The following SEMA3A variants were observed in gnomAD, a reference collection of about 807,000 sequenced individuals.
SEMA3A encodes semaphorin 3A.
SEMA3A carries 29 observed loss-of-function variants against 97.9 expected under a neutral mutation model. The ratio of observed to expected loss-of-function variants is 0.30; its 90% confidence interval spans 0.22 to 0.40. The LOEUF is 0.40. Among genes scored for constraint, SEMA3A ranks in the 10% least tolerant of loss-of-function variants. The probability of loss-of-function intolerance (pLI) is 1.00; values close to 1 mark genes in which losing one functional copy is unlikely to be tolerated. For synonymous variants in SEMA3A, 321 were observed against 323.7 expected, an observed-to-expected ratio of 0.99 and a Z score of 0.09; for missense variants, 763 against 951.3, an observed-to-expected ratio of 0.80 and a Z score of 2.60.
intron 5 of SEMA3A, among the ~76,000 whole-genome samples, chr7:84,055,008 G>C (rs1378574424): frequency 6.6e-6 from 1 of 152,234 alleles, no homozygotes. Context: ...CTCCCAGTTA[G>C]GCTGCTCAGG....
At chr7:84,173,420 G>A (rs1040128468) in intron 1 of SEMA3A, among the ~76,000 whole-genome samples, 5 of 151,880 alleles carry the variant, frequency 3.3e-5, no homozygotes, top group Admixed American at 6.6e-5. Context: ...TTAGCCAGGC[G>A]TGGTGGCGCA....
chr7:84,354,366 A>C (rs1282086115), intron 2 of SEMA3A, among the ~76,000 whole-genome samples: 1 of 151,686 alleles, frequency 6.6e-6, no homozygotes, highest in Non-Finnish European at 1.5e-5. Flanking sequence ...TACAACAGAT[A>C]TGGTGTTTTC....
chr7:84,121,643 T>A (rs1159128038), intron 3 of SEMA3A, among the ~76,000 whole-genome samples: 22 of 25,616 alleles, frequency 8.6e-4, no homozygotes, highest in South Asian at 2.7e-3. Flanking sequence ...CAAGTCTTTT[T>A]TTTTTTTTTT....
intron 1 of SEMA3A, among the ~76,000 whole-genome samples, chr7:84,478,881 T>G (rs963124945): frequency 2.0e-5 from 3 of 152,058 alleles, no homozygotes; most frequent in African/African-American, 7.2e-5. Context: ...TTTTATAAAT[T>G]TTCTAAGTTA....
chr7:84,253,023 C>T (rs1315814769), intron 3 of SEMA3A, among the ~76,000 whole-genome samples: 1 of 152,052 alleles, frequency 6.6e-6, no homozygotes, highest in Non-Finnish European at 1.5e-5. Context: ...GGACTACAGG[C>T]GTGTGCCACC....
At chr7:84,336,695 C>A (rs1802045667) in intron 2 of SEMA3A, among the ~76,000 whole-genome samples, 1 of 152,014 alleles carries the variant, frequency 6.6e-6, no homozygotes, top group African/African-American at 2.4e-5. Context: ...ACCTAGGTTC[C>A]AACAGAAGAA....
intron 7 of SEMA3A, among the ~76,000 whole-genome samples, chr7:84,011,690 A>C (rs546322997): frequency 6.6e-6 from 1 of 152,268 alleles, no homozygotes; most frequent in Non-Finnish European, 1.5e-5. Flanking sequence ...TCTTTGAGAT[A>C]TGTTGCACAA....
chr7:84,126,684 A>G (rs1795807305), intron 3 of SEMA3A, among the ~76,000 whole-genome samples: 1 of 152,198 alleles, frequency 6.6e-6, no homozygotes, highest in Non-Finnish European at 1.5e-5. Flanking sequence ...GGTAAAATGT[A>G]GCTTTTTGAC....
At chr7:84,268,249 ATGTG>A (rs66460940) in intron 3 of SEMA3A, among the ~76,000 whole-genome samples, 8,654 of 130,906 alleles carry the variant, frequency 0.066, 518 homozygotes, top group African/African-American at 0.16. Flanking sequence ...AGACATAAGC[ATGTG>A]TGTGTGTGTG....
chr7:84,425,794 A>T (rs1049977383), intron 1 of SEMA3A, among the ~76,000 whole-genome samples: 1 of 148,758 alleles, frequency 6.7e-6, no homozygotes, highest in Non-Finnish European at 1.5e-5. Flanking sequence ...AATATGGTGA[A>T]ACCCCGTCTT....
At chr7:84,265,372 T>C (rs901580745) in intron 3 of SEMA3A, among the ~76,000 whole-genome samples, 1 of 150,714 alleles carries the variant, frequency 6.6e-6, no homozygotes, top group Non-Finnish European at 1.5e-5. Flanking sequence ...AAGTAGTATT[T>C]AACCTGAATC....
At chr7:84,115,572 T>C (rs1294478699) in intron 3 of SEMA3A, among the ~76,000 whole-genome samples, 1 of 152,154 alleles carries the variant, frequency 6.6e-6, no homozygotes, top group Non-Finnish European at 1.5e-5. Context: ...GCTTATGATA[T>C]CTATTTTTAG....
At position 84,376,467 on chromosome 7, in the gene SEMA3A, G is replaced by C. The variant is rs538700402; in HGVS notation, c.-245-4567C>G. On this transcript the variant is annotated intron_variant, in intron 1 of 3. Transcript: ENST00000424555. ...AAACACAAAAAAATTAGCCGGGCGTGGTGGCGGGCGCCTGTAGTCCCAGCT... is the reference window on the plus strand; with the variant it reads ...AAACACAAAAAAATTAGCCGGGCGTCGTGGCGGGCGCCTGTAGTCCCAGCT... 2.8e-5 allele frequency among the ~76,000 whole-genome samples: 4 copies of C among 142,648 alleles called. 1 individual carries two copies. The highest frequency in any genetic ancestry group is 1.0e-4 in the African/African-American group (4 of 38,526). The allele number at this position is 142,648 out of a possible 152,430, so 93.6% of individuals were successfully genotyped here. A position where few individuals can be genotyped will look rare whatever the true frequency, so the allele number is the denominator to read the frequency against.
intron 2 of SEMA3A, among the ~76,000 whole-genome samples, chr7:84,346,675 C>A (rs1349015273): frequency 6.6e-6 from 1 of 151,988 alleles, no homozygotes; most frequent in Non-Finnish European, 1.5e-5. Context: ...TTTGTGATGT[C>A]CCAAAACAAC....
chr7:84,234,723 C>T (rs1799194139), intron 3 of SEMA3A, among the ~76,000 whole-genome samples: 1 of 152,018 alleles, frequency 6.6e-6, no homozygotes, highest in Non-Finnish European at 1.5e-5. Flanking sequence ...TCACTGCAGG[C>T]TTATTCCTTT....
rs191013156 is a variant in SEMA3A, at chr7:83,971,237, C to T, written c.1717+5895G>A. Among the ~76,000 whole-genome samples the T allele has an allele frequency of 1.2e-4, 19 of 152,008 alleles. No individual in the cohort carries two copies. In the East Asian group the frequency reaches 3.7e-3, roughly 29 times the overall value. On this transcript the variant is annotated intron_variant, in intron 15 of 16. Coordinates refer to ENST00000265362, the MANE Select transcript of SEMA3A (RefSeq NM_006080.3). The stretch of plus-strand genomic sequence containing the variant: ...GTCAGGAGTTCAAAACCAGCCTGAC[C>T]AACGTGATGAAACTCCATCTCTACT...
intron 2 of SEMA3A, among the ~76,000 whole-genome samples, chr7:84,129,864 C>A (rs1329594181): frequency 6.6e-6 from 1 of 151,748 alleles, no homozygotes; most frequent in Non-Finnish European, 1.5e-5. Context: ...AGTTGAGAAA[C>A]AATTATTTGT....
chr7:84,452,579 G>A (rs890103755), intron 1 of SEMA3A, among the ~76,000 whole-genome samples: 1 of 151,856 alleles, frequency 6.6e-6, no homozygotes, highest in African/African-American at 2.4e-5. Flanking sequence ...CTTTTTTATC[G>A]GCTCTCAGCA....
chr7:84,356,422 T>A (rs1026064818), intron 2 of SEMA3A, among the ~76,000 whole-genome samples: 2 of 151,518 alleles, frequency 1.3e-5, no homozygotes, highest in African/African-American at 4.8e-5. Flanking sequence ...AGCACTCTAC[T>A]TTTTAACATA....
Sources: allele counts gnomAD v4.1 joint callset (sites outside exome capture counted in the v4.1 genomes callset), GRCh38; gene constraint gnomAD v4.1.1; transcripts MANE v1.5; gene names NCBI Gene and HGNC (gene_info 2026-07-23, HGNC 2026-07-21).